FSTL4: variants seen among roughly 807,000 people sequenced by gnomAD.
FSTL4 encodes the protein follistatin-related protein 4.
In FSTL4, 28 loss-of-function variants were observed where a neutral mutation model predicts 78.2. That is an observed-to-expected ratio of 0.36 (90% CI 0.27 to 0.49). The LOEUF is 0.49. FSTL4 is among the 20% of genes least tolerant of loss of function. FSTL4 has a pLI of 0.98. For missense variants in FSTL4, 922 were observed against 1,084.9 expected, an observed-to-expected ratio of 0.85 and a Z score of 2.11; for synonymous variants, 422 against 440.5, an observed-to-expected ratio of 0.96 and a Z score of 0.53.
the FSTL4 span, among the ~76,000 whole-genome samples, chr5:133,738,885 C>A: frequency 6.6e-6 from 1 of 152,284 alleles, no homozygotes; most frequent in Admixed American, 6.5e-5. Flanking sequence ...TGGGGCCCCA[C>A]AGACCTAACC....
the FSTL4 span, among the ~76,000 whole-genome samples, chr5:133,671,886 G>A: frequency 1.3e-5 from 2 of 152,212 alleles, no homozygotes; most frequent in South Asian, 2.1e-4. Flanking sequence ...GCTAAATTGT[G>A]GGGGCTAAGA....
chr5:133,812,716 C>T, the FSTL4 span, among the ~76,000 whole-genome samples: 1 of 152,322 alleles, frequency 6.6e-6, no homozygotes, highest in East Asian at 1.9e-4. Flanking sequence ...GCATCTTGTT[C>T]ATTTATTTAC....
chr5:133,753,545 G>T, the FSTL4 span, among the ~76,000 whole-genome samples: 1 of 152,206 alleles, frequency 6.6e-6, no homozygotes, highest in Non-Finnish European at 1.5e-5. Flanking sequence ...ACTGAGCTAA[G>T]CCAGGTGGTA....
At chr5:133,333,729 C>T (rs549118114) in intron 4 of FSTL4, among the ~76,000 whole-genome samples, 61 of 152,354 alleles carry the variant, frequency 4.0e-4, no homozygotes, top group African/African-American at 1.2e-3. Flanking sequence ...TCACACCCAG[C>T]GAGGGCATCT....
chr5:133,309,648 C>T (rs1460358913), intron 6 of FSTL4, among the ~76,000 whole-genome samples: 2 of 152,316 alleles, frequency 1.3e-5, no homozygotes, highest in African/African-American at 4.8e-5. Context: ...GCCAGGCCAG[C>T]TGCATGGGAA....
intron 3 of FSTL4, among the ~76,000 whole-genome samples, chr5:133,512,154 C>G (rs17166739): frequency 0.14 from 21,286 of 152,240 alleles, 1,720 homozygotes; most frequent in East Asian, 0.38. Flanking sequence ...CCAAAGCCCA[C>G]GCATCACCCT....
chr5:133,314,795 C>T (rs1302241600), intron 5 of FSTL4, among the ~76,000 whole-genome samples: 4 of 151,686 alleles, frequency 2.6e-5, no homozygotes, highest in East Asian at 1.9e-4. Context: ...AGAGGATGGT[C>T]GAAAGATTTA....
chr5:133,224,162 C>T, intron 11 of FSTL4, 28 bp downstream of exon 11: 1 of 1,600,062 alleles, frequency 6.2e-7, no homozygotes, highest in Non-Finnish European at 8.6e-7. Context: ...TGATCACAGG[C>T]ATGACGCAAA....
At chr5:133,395,292 G>A (rs1041021083) in intron 4 of FSTL4, among the ~76,000 whole-genome samples, 2 of 152,102 alleles carry the variant, frequency 1.3e-5, no homozygotes, top group South Asian at 2.1e-4. Context: ...TGAGGCCTGC[G>A]AGACAACGAA....
At chr5:133,528,398 C>G (rs1759179536) in intron 3 of FSTL4, among the ~76,000 whole-genome samples, 1 of 152,192 alleles carries the variant, frequency 6.6e-6, no homozygotes, top group Non-Finnish European at 1.5e-5. Flanking sequence ...CTCCACCTGG[C>G]CCCTGCCCCA....
chr5:133,237,642 C>A (rs571600717), intron 7 of FSTL4, among the ~76,000 whole-genome samples: 1 of 152,110 alleles, frequency 6.6e-6, no homozygotes, highest in East Asian at 1.9e-4. Context: ...CAGAACAAAG[C>A]GCATATTGTT....
intron 12 of FSTL4, among the ~76,000 whole-genome samples, chr5:133,217,747 C>G (rs979052113): frequency 1.3e-5 from 2 of 152,170 alleles, no homozygotes; most frequent in Non-Finnish European, 2.9e-5. Flanking sequence ...CTCCTTAACA[C>G]TCTGGCTCTA....
the FSTL4 span, among the ~76,000 whole-genome samples, chr5:133,717,945 T>C: frequency 3.3e-4 from 50 of 152,296 alleles, no homozygotes; most frequent in African/African-American, 1.2e-3. Flanking sequence ...AGAAGTGAAA[T>C]TGATGTGTAT....
the FSTL4 span, among the ~76,000 whole-genome samples, chr5:133,760,365 G>A: frequency 6.6e-6 from 1 of 152,190 alleles, no homozygotes; most frequent in Non-Finnish European, 1.5e-5. Flanking sequence ...TCACTGACTG[G>A]CTACTGACTT....
the FSTL4 span, among the ~76,000 whole-genome samples, chr5:133,796,872 G>C: frequency 6.6e-6 from 1 of 152,046 alleles, no homozygotes; most frequent in East Asian, 1.9e-4. Context: ...CTGGGTAGAA[G>C]TGTTTCCCCC....
intron 14 of FSTL4, among the ~76,000 whole-genome samples, chr5:133,203,252 C>CAT (rs1289150025): frequency 1.3e-5 from 2 of 152,166 alleles, no homozygotes; most frequent in Non-Finnish European, 2.9e-5. Context: ...ATTGTGGCCA[C>CAT]ATGTGTAGAA....
chr5:133,747,375 G>T, the FSTL4 span, among the ~76,000 whole-genome samples: 21 of 152,208 alleles, frequency 1.4e-4, no homozygotes, highest in Non-Finnish European at 2.8e-4. Flanking sequence ...TTCTATCAGA[G>T]CTGTGGCACC....
chr5:133,596,898 G>T lies in FSTL4; in HGVS notation c.126+6960C>A, dbSNP rs563949446. On this transcript the variant is annotated intron_variant, in intron 2 of 15. Coordinates refer to ENST00000265342, the MANE Select transcript of FSTL4 (RefSeq NM_015082.2). ...AAGGCTGATTTTTATTAGGAGGAAAGACATTGGGTTTCTCTTGTTCCAGAC... is the reference window on the plus strand; with the variant it reads ...AAGGCTGATTTTTATTAGGAGGAAATACATTGGGTTTCTCTTGTTCCAGAC... Among the ~76,000 whole-genome samples, 82 of 152,374 alleles carry T rather than the reference G, an allele frequency of 5.4e-4. 1 individual carries two copies. The South Asian group carries it at 0.014, about 25-fold the overall frequency.
chr5:133,312,282 AG>A, intron 6 of FSTL4: 1 of 184,166 alleles, frequency 5.4e-6, no homozygotes, highest in Non-Finnish European at 1.1e-5. Flanking sequence ...TTCTCCAGGT[AG>A]GGCTCCCCAC....
Sources: gnomAD v4.1 joint callset for allele counts (sites outside exome capture counted in the v4.1 genomes callset) on GRCh38, gnomAD v4.1.1 for gene constraint, MANE v1.5 for transcripts, NCBI Gene and HGNC (gene_info 2026-07-23, HGNC 2026-07-21) for gene names.